Variants in PLXDC2 observed in about 807,000 individuals in gnomAD.
PLXDC2 encodes plexin domain-containing protein 2.
Under a neutral mutation model 68.9 loss-of-function variants are expected in PLXDC2, and 40 were observed. The observed-to-expected ratio is 0.58, with a 90% CI of 0.45 to 0.76. PLXDC2 has a LOEUF of 0.76. Among genes scored for constraint, PLXDC2 ranks in the 30% least tolerant of loss-of-function variants. The pLI is 0.00. For synonymous variants in PLXDC2, 243 were observed against 234.2 expected (o/e 1.04, Z -0.34); for missense variants, 644 against 661.9 (o/e 0.97, Z 0.30).
chr10:20,248,863 T>C (rs537058806), intron 13 of PLXDC2, among the ~76,000 whole-genome samples: 1 of 152,378 alleles, frequency 6.6e-6, no homozygotes, highest in Non-Finnish European at 1.5e-5. Flanking sequence ...TTCCATATTA[T>C]ATTCCTATCT....
chr10:19,941,609 AG>A (rs1833818925), intron 1 of PLXDC2, among the ~76,000 whole-genome samples: 1 of 152,180 alleles, frequency 6.6e-6, no homozygotes, highest in Admixed American at 6.5e-5. Context: ...GCCAGTTCAA[AG>A]GGGGTCTGTC....
intron 2 of PLXDC2, among the ~76,000 whole-genome samples, chr10:20,021,646 C>G (rs1354624953): frequency 6.6e-6 from 1 of 151,694 alleles, no homozygotes; most frequent in Non-Finnish European, 1.5e-5. Flanking sequence ...CTCACTCATT[C>G]TGATCTTTCT....
chr10:19,979,376 G>T (rs1031352148), intron 1 of PLXDC2, among the ~76,000 whole-genome samples: 2 of 147,826 alleles, frequency 1.4e-5, no homozygotes, highest in African/African-American at 5.0e-5. Flanking sequence ...TAGATAGATA[G>T]ATAGATTTTT....
At chr10:19,903,802 T>G (rs1441710130) in intron 1 of PLXDC2, among the ~76,000 whole-genome samples, 1 of 152,116 alleles carries the variant, frequency 6.6e-6, no homozygotes, top group Non-Finnish European at 1.5e-5. Flanking sequence ...CTTTCAGACT[T>G]TTTGATGTAG....
At chr10:20,080,223 G>C (rs116448332) in intron 4 of PLXDC2, among the ~76,000 whole-genome samples, 1 of 152,254 alleles carries the variant, frequency 6.6e-6, no homozygotes, top group South Asian at 2.1e-4. Context: ...ATTTCTATTA[G>C]ACCCATGAGA....
chr10:20,261,581 G>C (rs376036410), intron 13 of PLXDC2, among the ~76,000 whole-genome samples: 20 of 152,258 alleles, frequency 1.3e-4, no homozygotes, highest in African/African-American at 4.3e-4. Context: ...TCTGCCGGGG[G>C]TAGTGGCTCA....
In PLXDC2 at chr10:20,288,251, C is replaced by T. The variant is rs550453607; in HGVS notation, c.*8432C>T. The T allele has an allele frequency of 1.3e-5, 2 of 152,052 alleles. No homozygotes were observed. The highest frequency in any genetic ancestry group is 2.9e-5 in the Non-Finnish European group (2 of 68,014). 9.4% of individuals were successfully genotyped at this position (152,052 alleles called of 1,614,324 possible). On this transcript the variant is annotated 3_prime_UTR_variant, in exon 14 of 14. Coordinates refer to ENST00000377252, the MANE Select transcript of PLXDC2 (RefSeq NM_032812.9). Reference sequence around the variant, plus strand: ...AAAGCCCTGTGTGCCAAACCAAGGACGTGTCTTTCAGGGAAAGGTTAATTT... The same window carrying T: ...AAAGCCCTGTGTGCCAAACCAAGGATGTGTCTTTCAGGGAAAGGTTAATTT...
intron 4 of PLXDC2, among the ~76,000 whole-genome samples, chr10:20,086,822 C>G (rs1833205639): frequency 6.6e-6 from 1 of 152,106 alleles, no homozygotes; most frequent in Non-Finnish European, 1.5e-5. Context: ...AAGCAGTTAA[C>G]TTCAAAAAAG....
chr10:19,981,129 A>G (rs1443404400), intron 1 of PLXDC2, among the ~76,000 whole-genome samples: 4 of 152,198 alleles, frequency 2.6e-5, no homozygotes, highest in Non-Finnish European at 5.9e-5. Flanking sequence ...GTTACTGACA[A>G]TTACTGACAG....
chr10:20,103,717 C>T (rs1182648686), intron 4 of PLXDC2, among the ~76,000 whole-genome samples: 2 of 150,766 alleles, frequency 1.3e-5, no homozygotes, highest in Non-Finnish European at 2.9e-5. Context: ...TCTCGGCTCA[C>T]TGTAACCTCC....
At chr10:20,126,171 AC>A (rs1404430254) in intron 4 of PLXDC2, among the ~76,000 whole-genome samples, 10 of 147,020 alleles carry the variant, frequency 6.8e-5, no homozygotes, top group Admixed American at 5.5e-4. Context: ...ATGTATCTAT[AC>A]ATATATGTTA....
rs1020272584 is a variant in PLXDC2, at chr10:19,866,391, G to A, written c.112+49200G>A. On this transcript the variant is annotated intron_variant, in intron 1 of 13. Coordinates refer to ENST00000377252, the MANE Select transcript of PLXDC2 (RefSeq NM_032812.9). ...ATCTTCCTTATTCTAAGCCGGCAAA[G>A]TTGCATTTCTCTGATCTTTCTTCCG... Among the ~76,000 whole-genome samples, 4 of 152,242 alleles carry A rather than the reference G, an allele frequency of 2.6e-5. No homozygotes were observed. The South Asian group carries it at 8.3e-4, about 32-fold the overall frequency.
At chr10:20,062,656 G>T (rs911416025) in intron 3 of PLXDC2, among the ~76,000 whole-genome samples, 3 of 151,974 alleles carry the variant, frequency 2.0e-5, no homozygotes, top group Non-Finnish European at 4.4e-5. Context: ...GATGAGTAAA[G>T]GAGCAAGACA....
At chr10:20,203,943 AAC>A (rs1000313604) in intron 9 of PLXDC2, among the ~76,000 whole-genome samples, 10 of 152,306 alleles carry the variant, frequency 6.6e-5, no homozygotes, top group African/African-American at 2.2e-4. Context: ...ATCAGAAGAA[AAC>A]ACACTCCACC....
intron 4 of PLXDC2, among the ~76,000 whole-genome samples, chr10:20,080,750 G>A (rs893766765): frequency 3.9e-5 from 6 of 152,108 alleles, no homozygotes; most frequent in Non-Finnish European, 7.3e-5. Flanking sequence ...ACAATACTTT[G>A]TATCCTTCAA....
chr10:19,883,884 CT>C (rs397846779), intron 1 of PLXDC2, among the ~76,000 whole-genome samples: 1,068 of 54,988 alleles, frequency 0.019, 14 homozygotes, highest in East Asian at 0.043. Context: ...TCCCTTTAAA[CT>C]TTTTTTTTTT....
At chr10:20,023,426 GT>G (rs1395890520) in intron 2 of PLXDC2, among the ~76,000 whole-genome samples, 1 of 152,158 alleles carries the variant, frequency 6.6e-6, no homozygotes, top group Admixed American at 6.6e-5. Context: ...AGGCAGCAAT[GT>G]TGGGAGGTGG....
Position 20,278,074 on chromosome 10 carries a change from T to G in PLXDC2, c.1474-1629T>G, listed in dbSNP as rs77371762. Among the ~76,000 whole-genome samples, 210 of 152,348 alleles carry G rather than the reference T, an allele frequency of 1.4e-3. 3 individuals carry two copies. The East Asian group carries it at 0.03, about 22-fold the overall frequency. On this transcript the variant is annotated intron_variant, in intron 13 of 13. Coordinates refer to ENST00000377252, the MANE Select transcript of PLXDC2 (RefSeq NM_032812.9). Reference sequence around the variant, plus strand: ...TCCTTTGTGTTTATGTACCACGTTTTTTTCATCCATTCATCTGTTGATGGA... The same window carrying G: ...TCCTTTGTGTTTATGTACCACGTTTGTTTCATCCATTCATCTGTTGATGGA...
At chr10:20,239,778 A>C (rs766453582) in intron 12 of PLXDC2, among the ~76,000 whole-genome samples, 3 of 152,210 alleles carry the variant, frequency 2.0e-5, no homozygotes, top group African/African-American at 7.2e-5. Context: ...GTCGAGCCAC[A>C]TATGGACATC....
Sources: gnomAD v4.1 joint callset for allele counts (sites outside exome capture counted in the v4.1 genomes callset) on GRCh38, gnomAD v4.1.1 for gene constraint, MANE v1.5 for transcripts, NCBI Gene and HGNC (gene_info 2026-07-23, HGNC 2026-07-21) for gene names.